TOPAZ1: variants seen among roughly 807,000 people sequenced by gnomAD.
TOPAZ1 encodes the protein protein TOPAZ1.
In TOPAZ1, 66 loss-of-function variants were observed where a neutral mutation model predicts 172.2. The observed-to-expected ratio is 0.38, with a 90% CI of 0.31 to 0.47. The LOEUF is 0.47. Ranked by LOEUF, TOPAZ1 falls within the 20% of genes least tolerant of loss-of-function variation. The probability of loss-of-function intolerance (pLI) is 0.99; values close to 1 mark genes in which losing one functional copy is unlikely to be tolerated. For missense variants in TOPAZ1, 1,822 were observed against 1,972.4 expected (o/e 0.92, Z 1.44); for synonymous variants, 681 against 683.9 (o/e 1.00, Z 0.07).
chr3:44,287,821 AATTG>A lies in TOPAZ1; in HGVS notation c.3666_3669del (p.Asp1223SerfsTer34). The A allele has an allele frequency of 6.9e-7, 1 of 1,449,350 alleles. No homozygotes were observed. Among genetic ancestry groups the A allele is most frequent in the Non-Finnish European group, 9.4e-7 (1 of 1,067,474 alleles). 89.8% of individuals were successfully genotyped at this position (1,449,350 alleles called of 1,614,324 possible). ...AATTAAGGAATGCTGTACCTGCTTT[AATTG>A]ATATCTTTTGCAAGGTATGGTTTTA... On this transcript the variant is annotated frameshift_variant, in exon 11 of 20. Coordinates refer to ENST00000309765, the MANE Select transcript of TOPAZ1 (RefSeq NM_001145030.2). LOFTEE classifies it high-confidence loss of function.
At chr3:44,307,282 AAAGT>A (rs2125700410) in intron 15 of TOPAZ1, among the ~76,000 whole-genome samples, 1 of 152,284 alleles carries the variant, frequency 6.6e-6, no homozygotes, top group South Asian at 2.1e-4. Context: ...TCAGCCTCCC[AAAGT>A]GCTGGGATTA....
rs1159702355 is a variant in TOPAZ1, at chr3:44,287,480, A to T, written c.3528A>T (p.Lys1176Asn). 1 of 1,531,352 alleles carries T rather than the reference A, an allele frequency of 6.5e-7. No individual in the cohort carries two copies. Among genetic ancestry groups the T allele is most frequent in the Non-Finnish European group, 8.8e-7 (1 of 1,137,912 alleles). The allele number at this position is 1,531,352 out of a possible 1,614,324, so 94.9% of individuals were successfully genotyped here. ...ATGACCTTCTAAATTCTTTACTCAA[A>T]CATTGTTTGTTGAAAGAAGTATTTC... is the stretch of plus-strand genomic sequence containing the variant. ...VLNDLLNSLL[K>N]HCLLKEVFQI... The change falls in exon 10 of 20, where the codon AAA becomes AAT. Residue 1176 changes from lysine to asparagine, a missense_variant. Physicochemically the swap from Lys to Asn is moderately conservative, Grantham distance 94 (BLOSUM62 0). This residue lies in a region of TOPAZ1 where 1,489 missense variants were observed against 1,490.8 expected (regional missense o/e 1.00). Transcript: ENST00000309765.
At chr3:44,248,482 A>G (rs1699592035) in intron 2 of TOPAZ1, among the ~76,000 whole-genome samples, 1 of 152,064 alleles carries the variant, frequency 6.6e-6, no homozygotes, top group African/African-American at 2.4e-5. Context: ...ATATTTTTAT[A>G]TTTGTTCTGC....
intron 12 of TOPAZ1, among the ~76,000 whole-genome samples, chr3:44,292,818 A>G (rs753840151): frequency 1.3e-5 from 2 of 152,186 alleles, no homozygotes; most frequent in Non-Finnish European, 2.9e-5. Context: ...TCTTCTGGTT[A>G]TTTGAAATAT....
intron 7 of TOPAZ1, 124 bp from the exon 8 acceptor site, chr3:44,270,561 G>A: frequency 1.8e-6 from 1 of 552,878 alleles, no homozygotes; most frequent in Non-Finnish European, 2.8e-6. Context: ...TATTAAATTA[G>A]CAAACAAGTT....
chr3:44,290,921 A>G (rs1324330830), intron 12 of TOPAZ1, 35 bp downstream of exon 12: 9 of 1,376,594 alleles, frequency 6.5e-6, no homozygotes, highest in East Asian at 2.5e-5. Context: ...GCCAAAATAT[A>G]TGTGTCTTGG....
At position 44,321,132 on chromosome 3, in the gene TOPAZ1, GCCTTTATAGACAGA is replaced by G; in HGVS notation, c.4414_4427del (p.Leu1472IlefsTer2). The G allele has an allele frequency of 6.4e-7, 1 of 1,550,636 alleles. No individual in the cohort carries two copies. Among genetic ancestry groups the G allele is most frequent in the East Asian group, 2.5e-5 (1 of 40,762 alleles). ...ATTGCACATGAAATCTTAGCCAAGA[GCCTTTATAGACAGA>G]CATTTGAAGTTTTGCAGAATCTACC... On this transcript the variant is annotated frameshift_variant, in exon 17 of 20. Transcript: ENST00000309765. LOFTEE classifies it high-confidence loss of function.
At chr3:44,253,500 A>G (rs1325203077) in intron 2 of TOPAZ1, among the ~76,000 whole-genome samples, 1 of 152,122 alleles carries the variant, frequency 6.6e-6, no homozygotes, top group African/African-American at 2.4e-5. Context: ...TAAGGTTGAT[A>G]CCTGGTTTCT....
At chr3:44,281,218 A>G (rs755001368) in intron 8 of TOPAZ1, among the ~76,000 whole-genome samples, 5 of 152,140 alleles carry the variant, frequency 3.3e-5, no homozygotes, top group Non-Finnish European at 5.9e-5. Context: ...ATTTTCTTCT[A>G]CTTTCTAGCA....
At chr3:44,334,450 T>C (rs1297967232), downstream of TOPAZ1, among the ~76,000 whole-genome samples, 1 of 152,042 alleles carries the variant, frequency 6.6e-6, no homozygotes, top group African/African-American at 2.4e-5. Context: ...TATGAAAAAC[T>C]TACTGGGGAC....
chr3:44,243,838 G>A lies in TOPAZ1; in HGVS notation c.1332G>A (p.Glu444=). 5.2e-6 allele frequency: 8 copies of A among 1,551,608 alleles called. No homozygotes were observed. The highest frequency in any genetic ancestry group is 7.0e-6 in the Non-Finnish European group (8 of 1,146,978). Residue 444 remains glutamate, a synonymous_variant, in exon 2 of 20, where the codon GAG becomes GAA. Transcript: ENST00000309765. ...PLGYESMASK[E]DFKSMKSFIG... ...GTTATGAAAGCATGGCATCGAAAGAGGATTTTAAATCGATGAAAAGCTTCA... is the reference window on the plus strand; with the variant it reads ...GTTATGAAAGCATGGCATCGAAAGAAGATTTTAAATCGATGAAAAGCTTCA...
intron 12 of TOPAZ1, among the ~76,000 whole-genome samples, chr3:44,293,983 G>A (rs1442857926): frequency 6.6e-6 from 1 of 152,230 alleles, no homozygotes; most frequent in Non-Finnish European, 1.5e-5. Flanking sequence ...GCTCATGCCT[G>A]TAATCCCAGT....
At chr3:44,274,737 A>G (rs1296479679) in intron 8 of TOPAZ1, among the ~76,000 whole-genome samples, 1 of 151,988 alleles carries the variant, frequency 6.6e-6, no homozygotes, top group East Asian at 2.0e-4. Context: ...TATTTTTAGT[A>G]GAGACAGGGT....
At chr3:44,290,713 C>T in intron 11 of TOPAZ1, 58 bp from the exon 12 acceptor site, 1 of 1,023,276 alleles carries the variant, frequency 9.8e-7, no homozygotes, top group Admixed American at 2.6e-5. Flanking sequence ...CACACATTGG[C>T]TCCTCAATTC....
rs1188622138 is a variant in TOPAZ1, at chr3:44,331,816, C to A, written c.4884C>A (p.Ser1628Arg). The A allele has an allele frequency of 1.2e-5, 19 of 1,551,756 alleles. 1 individual carries two copies. The highest frequency in any genetic ancestry group is 3.3e-4 in the Middle Eastern group (2 of 6,006). The change falls in exon 20 of 20, where the codon AGC becomes AGA. Residue 1628 changes from serine (S) to arginine (R), a missense_variant. Coordinates refer to ENST00000309765, the MANE Select transcript of TOPAZ1 (RefSeq NM_001145030.2). ...LKRCEDNQSR[S>R]NDDYQAAVER... is the part of the protein sequence containing the mutation. ...GGTGTGAAGACAACCAGTCTCGGAG[C>A]AATGATGATTATCAAGCTGCAGTAG...
Position 44,243,966 on chromosome 3 carries a change from C to G in TOPAZ1, c.1460C>G (p.Pro487Arg), listed in dbSNP as rs763678150. 8 of 1,552,296 alleles carry G rather than the reference C, an allele frequency of 5.2e-6. No individual in the cohort carries two copies. The highest frequency in any genetic ancestry group is 6.1e-6 in the Non-Finnish European group (7 of 1,147,088). ...AAGTTAAGCTGTCAGAGAACAATAC[C>G]TATGACTGGTAAAAGAACTTGGCCC... ...ELKLSCQRTI[P>R]MTGKRTWPYY... is the part of the protein sequence containing the mutation. The change falls in exon 2 of 20, where the codon CCT becomes CGT. Residue 487 changes from proline (P) to arginine (R), a missense_variant. Coordinates refer to ENST00000309765, the MANE Select transcript of TOPAZ1 (RefSeq NM_001145030.2).
chr3:44,244,403 A>G lies in TOPAZ1; in HGVS notation c.1897A>G (p.Arg633Gly), dbSNP rs781643387. ...CTTAACGGGAAATAAAAAAAAAGCTAGAGGAAATTTAACGAAACTTAATTT... is the reference window on the plus strand; with the variant it reads ...CTTAACGGGAAATAAAAAAAAAGCTGGAGGAAATTTAACGAAACTTAATTT... The part of the protein sequence containing the change: ...QSLTGNKKKA[R>G]GNLTKLNLTA... Residue 633 changes from arginine (R) to glycine (G), a missense_variant, in exon 2 of 20, where the codon AGA (arginine) becomes GGA (glycine). Around this residue, in one of 2 missense-constraint regions of TOPAZ1, gnomAD observed 1,489 missense variants for 1,490.8 expected, o/e 1.00. Coordinates refer to ENST00000309765, the MANE Select transcript of TOPAZ1 (RefSeq NM_001145030.2). 12 of 1,551,114 alleles carry G rather than the reference A, an allele frequency of 7.7e-6. No individual in the cohort carries two copies. The African/African-American group carries it at 1.4e-4, about 18-fold the overall frequency.
intron 4 of TOPAZ1, 25 bp from the exon 5 acceptor site, chr3:44,262,394 T>A: frequency 7.6e-7 from 1 of 1,321,812 alleles, no homozygotes; most frequent in Non-Finnish European, 1.0e-6. Flanking sequence ...TCACTTGTAC[T>A]TATTTAACCA....
At chr3:44,303,278 G>T (rs1026389099) in intron 12 of TOPAZ1, among the ~76,000 whole-genome samples, 3 of 151,972 alleles carry the variant, frequency 2.0e-5, no homozygotes, top group Non-Finnish European at 4.4e-5. Flanking sequence ...TCATAGTTAG[G>T]TATTACATAA....
Sources: allele counts gnomAD v4.1 joint callset (sites outside exome capture counted in the v4.1 genomes callset), GRCh38; gene constraint gnomAD v4.1.1; regional missense constraint gnomAD v4.1.1; transcripts MANE v1.5; gene names NCBI Gene and HGNC (gene_info 2026-07-23, HGNC 2026-07-21).